PPM1J: variants seen among roughly 807,000 people sequenced by gnomAD.
The protein encoded by PPM1J is protein phosphatase 1J.
PPM1J carries 43 observed loss-of-function variants against 53.3 expected under a neutral mutation model. That is an observed-to-expected ratio of 0.81 (90% CI 0.63 to 1.04). The LOEUF is 1.04. Ranked by LOEUF, PPM1J falls within the 50% of genes least tolerant of loss-of-function variation. The pLI, the probability that PPM1J is intolerant of heterozygous loss-of-function variation, is 0.00. For synonymous variants in PPM1J, 267 were observed against 286.4 expected, an observed-to-expected ratio of 0.93 and a Z score of 0.68; for missense variants, 635 against 685.9, an observed-to-expected ratio of 0.93 and a Z score of 0.83.
Position 112,711,309 on chromosome 1 carries a change from G to A in PPM1J, c.1003C>T (p.Leu335=), listed in dbSNP as rs780075245. ...EFPRRVLPKE[L]GQRMLYRDQN... is the part of the protein sequence containing the mutation. The stretch of plus-strand genomic sequence containing the variant: ...TCCCGGTACAACATCCTCTGCCCCA[G>A]CTCCTTGGGCAGAACTCTGCGGGGG... The change falls in exon 6 of 10, where the codon CTG becomes TTG. Residue 335 remains leucine (L), a synonymous_variant. Coordinates refer to ENST00000309276, the MANE Select transcript of PPM1J (RefSeq NM_005167.7). The A allele has an allele frequency of 6.2e-7, 1 of 1,607,900 alleles. No individual in the cohort carries two copies. Among genetic ancestry groups the A allele is most frequent in the Non-Finnish European group, 8.5e-7 (1 of 1,176,950 alleles).
Position 112,712,966 on chromosome 1 carries a change from G to A in PPM1J, c.507C>T (p.Ala169=), listed in dbSNP as rs1300696274. ...GHAGGGAAEM[A]SRLLHRHIRE... Reference sequence around the variant, plus strand: ...GGATATGGCGATGCAGGAGCCGTGAGGCCATTTCAGCAGCTCCGCCCCCTG... The same window carrying A: ...GGATATGGCGATGCAGGAGCCGTGAAGCCATTTCAGCAGCTCCGCCCCCTG... Residue 169 remains alanine (A), a synonymous_variant, in exon 3 of 10, where the codon GCC becomes GCT. Coordinates refer to ENST00000309276, the MANE Select transcript of PPM1J (RefSeq NM_005167.7). 2.5e-6 allele frequency: 4 copies of A among 1,613,782 alleles called. No individual in the cohort carries two copies. The highest frequency in any genetic ancestry group is 1.7e-5 in the Admixed American group (1 of 60,014).
At chr1:112,710,356 G>C (rs1225072334) in intron 9 of PPM1J, 46 bp from the exon 10 acceptor site, 1 of 1,611,596 alleles carries the variant, frequency 6.2e-7, no homozygotes, top group Non-Finnish European at 8.5e-7. Flanking sequence ...ATGTATGTGG[G>C]AAGACAGATA....
intron 1 of PPM1J, chr1:112,714,636 TA>T: frequency 8.7e-7 from 1 of 1,148,382 alleles, no homozygotes; most frequent in Non-Finnish European, 1.1e-6. Context: ...CCTTTTCCCT[TA>T]GCCTTTAAGC....
chr1:112,711,339 C>G lies in PPM1J; in HGVS notation c.973G>C (p.Glu325Gln), dbSNP rs1424614989. 9.3e-6 allele frequency: 15 copies of G among 1,606,676 alleles called. No homozygotes were observed. The highest frequency in any genetic ancestry group is 1.3e-5 in the Non-Finnish European group (15 of 1,176,534). Reference protein sequence around the residue: ...ELLGSEFTHLEFPRRVLPKEL... With the variant: ...ELLGSEFTHLQFPRRVLPKEL... ...TTGGGCAGAACTCTGCGGGGGAACT[C>G]AAGGTGGGTGAATTCACTGCCTAGC... is the stretch of plus-strand genomic sequence containing the variant. The change falls in exon 6 of 10, where the codon GAG becomes CAG. Residue 325 changes from glutamate (E) to glutamine (Q), a missense_variant. Coordinates refer to ENST00000309276, the MANE Select transcript of PPM1J (RefSeq NM_005167.7).
intron 4 of PPM1J, 39 bp downstream of exon 4, chr1:112,712,306 T>G (rs753120248): frequency 4.3e-5 from 62 of 1,457,724 alleles, no homozygotes; most frequent in Non-Finnish European, 5.8e-5. Context: ...TCAGAGAGTG[T>G]GGCCCTCTGT....
intron 1 of PPM1J, chr1:112,714,560 C>T (rs1675150209): frequency 5.0e-6 from 5 of 1,001,978 alleles, no homozygotes; most frequent in East Asian, 2.0e-4. Flanking sequence ...AGCCGGGAAG[C>T]GGGTGAGCGA....
At chr1:112,713,403 A>G in intron 2 of PPM1J, 94 bp downstream of exon 2, 1 of 846,196 alleles carries the variant, frequency 1.2e-6, no homozygotes, top group East Asian at 2.5e-5. Context: ...CAGTGAGTTC[A>G]TCAGGTCTTC....
chr1:112,711,222 T>C (rs1675049404), intron 6 of PPM1J, 44 bp downstream of exon 6: 1 of 1,517,362 alleles, frequency 6.6e-7, no homozygotes, highest in South Asian at 1.1e-5. Flanking sequence ...AGGGACTGGT[T>C]GTGTTGCCAT....
chr1:112,715,099 G>T lies in PPM1J; in HGVS notation c.203C>A (p.Ser68Tyr). The T allele has an allele frequency of 6.4e-7, 1 of 1,562,258 alleles. No homozygotes were observed. The highest frequency in any genetic ancestry group is 8.6e-7 in the Non-Finnish European group (1 of 1,163,910). ...GCTCAGCTGCAGAAAGGTCGGTCTG[G>T]AGAAGCTCGCTCGAGCCTCAACAGC... is the stretch of plus-strand genomic sequence containing the variant. ...AKAVEARASFSRPTFLQLSPG... is the reference protein window; with the variant it reads ...AKAVEARASFYRPTFLQLSPG... The change falls in exon 1 of 10, where the codon TCC (serine) becomes TAC (tyrosine). Residue 68 changes from serine (S) to tyrosine (Y), a missense_variant. Transcript: ENST00000309276. The surrounding 1 kb of genome is among the most constrained non-coding windows in gnomAD (Gnocchi z 4.4).
At position 112,715,012 on chromosome 1, in the gene PPM1J, G is replaced by A; in HGVS notation, c.290C>T (p.Thr97Met). 2.7e-6 allele frequency: 4 copies of A among 1,474,608 alleles called. No individual in the cohort carries two copies. The highest frequency in any genetic ancestry group is 2.6e-5 in the Admixed American group (1 of 38,522). The allele number at this position is 1,474,608 out of a possible 1,614,324, so 91.3% of individuals were successfully genotyped here. The change falls in exon 1 of 10, where the codon ACG becomes ATG. Residue 97 changes from threonine to methionine, a missense_variant. Transcript: ENST00000309276. This position sits in a 1 kb window ranked among gnomAD's most constrained non-coding sequence, Gnocchi z 4.4. ...TGTGCTCCAGGGCAGGCGGCGGCCC[G>A]TGTCCGGGGGGCTTTGCACAGCCCG... ...AGRAVQSPPD[T>M]GRRLPWSTGY...
Position 112,715,195 on chromosome 1 carries a change from G to A in PPM1J, c.107C>T (p.Pro36Leu). 3 of 1,466,402 alleles carry A rather than the reference G, an allele frequency of 2.0e-6. No individual in the cohort carries two copies. The highest frequency in any genetic ancestry group is 2.7e-6 in the Non-Finnish European group (3 of 1,122,426). The allele number at this position is 1,466,402 out of a possible 1,614,324, so 90.8% of individuals were successfully genotyped here. ...PDLPNAASAPPAAAPEAPRSP... is the reference protein window; with the variant it reads ...PDLPNAASAPLAAAPEAPRSP... Reference sequence around the variant, plus strand: ...CCTGGGCGCTTCTGGAGCGGCGGCGGGCGGCGCCGAGGCGGCGTTGGGCAG... The same window carrying A: ...CCTGGGCGCTTCTGGAGCGGCGGCGAGCGGCGCCGAGGCGGCGTTGGGCAG... The change falls in exon 1 of 10, where the codon CCC (proline) becomes CTC (leucine). Residue 36 changes from proline to leucine, a missense_variant. Physicochemically the swap from Pro to Leu is moderately conservative, Grantham distance 98. Transcript: ENST00000309276. This position sits in a 1 kb window ranked among gnomAD's most constrained non-coding sequence, Gnocchi z 4.4.
chr1:112,710,338 G>C, intron 9 of PPM1J, 28 bp from the exon 10 acceptor site: 1 of 1,613,128 alleles, frequency 6.2e-7, no homozygotes, highest in Non-Finnish European at 8.5e-7. Flanking sequence ...GCACATTCAT[G>C]TACCAACATG....
chr1:112,711,552 C>CTTA, intron 5 of PPM1J, 168 bp from the exon 6 acceptor site: 1 of 594,950 alleles, frequency 1.7e-6, no homozygotes, highest in South Asian at 2.0e-5. Context: ...CACAACAGCC[C>CTTA]TTAAGGCAGG....
At chr1:112,711,826 C>A in intron 5 of PPM1J, 145 bp downstream of exon 5, 1 of 612,952 alleles carries the variant, frequency 1.6e-6, no homozygotes. Context: ...GGCTCAGCCC[C>A]GCACTCCATA....
At position 112,712,914 on chromosome 1, in the gene PPM1J, T is replaced by C; in HGVS notation, c.559A>G (p.Ile187Val). The C allele has an allele frequency of 6.2e-7, 1 of 1,613,910 alleles. No individual in the cohort carries two copies. Among genetic ancestry groups the C allele is most frequent in the Non-Finnish European group, 8.5e-7 (1 of 1,180,006 alleles). ...GGTGGTGGCGAAGGGTCCTGAAGTA[T>C]CTCTACCAGGTCCTTTAGCTGCTCT... ...IREQLKDLVEILQDPSPPPLC... is the reference protein window; with the variant it reads ...IREQLKDLVEVLQDPSPPPLC... Residue 187 changes from isoleucine to valine, a missense_variant, in exon 3 of 10, where the codon ATA (isoleucine) becomes GTA (valine). Physicochemically the swap from Ile to Val is conservative, Grantham distance 29. Coordinates refer to ENST00000309276, the MANE Select transcript of PPM1J (RefSeq NM_005167.7).
chr1:112,710,122 T>G lies in PPM1J; in HGVS notation c.*41A>C. On this transcript the variant is annotated 3_prime_UTR_variant, in exon 10 of 10. Transcript: ENST00000309276. The stretch of plus-strand genomic sequence containing the variant: ...TTCAGAATTTGGGCTGTGAGAGGAG[T>G]AAGTATGGAGAGGCTAGTGGGAGGG... The G allele has an allele frequency of 1.3e-6, 2 of 1,499,680 alleles. No individual in the cohort carries two copies. The highest frequency in any genetic ancestry group is 8.9e-7 in the Non-Finnish European group (1 of 1,126,514). The allele number at this position is 1,499,680 out of a possible 1,614,324, so 92.9% of individuals were successfully genotyped here.
intron 1 of PPM1J, chr1:112,714,479 G>A (rs901094172): frequency 1.2e-5 from 12 of 986,690 alleles, no homozygotes; most frequent in Non-Finnish European, 1.4e-5. Flanking sequence ...GCCTCCTGGT[G>A]TCGCGGGCTA....
At position 112,714,983 on chromosome 1, in the gene PPM1J, A is replaced by G; in HGVS notation, c.319T>C (p.Tyr107His). 1 of 1,435,144 alleles carries G rather than the reference A, an allele frequency of 7.0e-7. No individual in the cohort carries two copies. The highest frequency in any genetic ancestry group is 9.1e-7 in the Non-Finnish European group (1 of 1,099,938). The allele number at this position is 1,435,144 out of a possible 1,614,324, so 88.9% of individuals were successfully genotyped here. ...TGRRLPWSTG[Y>H]AEVINAGKSR... ...GCCCCAGGGGGCGCTCACTCGGCGTAGCCTGTGCTCCAGGGCAGGCGGCGG... is the reference window on the plus strand; with the variant it reads ...GCCCCAGGGGGCGCTCACTCGGCGTGGCCTGTGCTCCAGGGCAGGCGGCGG... The change falls in exon 1 of 10, where the codon TAC becomes CAC. Residue 107 changes from tyrosine (Y) to histidine (H), a missense_variant. Coordinates refer to ENST00000309276, the MANE Select transcript of PPM1J (RefSeq NM_005167.7).
rs563809342 is a variant in PPM1J, at chr1:112,710,776, G to A, written c.1186C>T (p.Pro396Ser). 6.2e-7 allele frequency: 1 copy of A among 1,614,098 alleles called. No homozygotes were observed. The highest frequency in any genetic ancestry group is 1.1e-5 in the South Asian group (1 of 91,086). The change falls in exon 8 of 10, where the codon CCC becomes TCC. Residue 396 changes from proline (P) to serine (S), a missense_variant. Pro to Ser is a moderately conservative substitution (Grantham distance 74, BLOSUM62 -1). Coordinates refer to ENST00000309276, the MANE Select transcript of PPM1J (RefSeq NM_005167.7). Reference protein sequence around the residue: ...HSLKVCSSTLPIKPFLSCFPE... With the variant: ...HSLKVCSSTLSIKPFLSCFPE... ...AAGCAGGAGAGAAAGGGCTTGATGGGCAGGGTGGAACTGCAGACCTTAAGG... is the reference window on the plus strand; with the variant it reads ...AAGCAGGAGAGAAAGGGCTTGATGGACAGGGTGGAACTGCAGACCTTAAGG...
Sources: gnomAD v4.1 joint callset for allele counts on GRCh38, gnomAD v4.1.1 for gene constraint, Gnocchi (gnomAD v3.1) non-coding constraint, MANE v1.5 for transcripts, NCBI Gene and HGNC (gene_info 2026-07-23, HGNC 2026-07-21) for gene names.